TACC2: variants seen among roughly 807,000 people sequenced by gnomAD.
TACC2 encodes the protein transforming acidic coiled-coil-containing protein 2.
TACC2 carries 137 observed loss-of-function variants against 227.3 expected under a neutral mutation model. The observed-to-expected ratio is 0.60, with a 90% CI of 0.52 to 0.69. The LOEUF is 0.69. TACC2 is among the 30% of genes least tolerant of loss of function. The probability of loss-of-function intolerance (pLI) is 0.00; values close to 1 mark genes in which losing one functional copy is unlikely to be tolerated. For synonymous variants in TACC2, 1,523 were observed against 1,487.5 expected (o/e 1.02, Z -0.55); for missense variants, 3,470 against 3,694.4 (o/e 0.94, Z 1.57).
intron 1 of TACC2, among the ~76,000 whole-genome samples, chr10:122,009,283 A>G (rs965129150): frequency 2.6e-5 from 4 of 152,152 alleles, no homozygotes; most frequent in Non-Finnish European, 5.9e-5. Flanking sequence ...AAGTATTGGG[A>G]GACAGGTAAC....
chr10:122,235,113 G>A (rs950724466), intron 16 of TACC2, among the ~76,000 whole-genome samples: 70 of 152,114 alleles, frequency 4.6e-4, no homozygotes, highest in African/African-American at 1.7e-3. Context: ...TTAAGACAGA[G>A]TCTCACTCTG....
At chr10:122,096,510 A>C (rs548972071) in intron 5 of TACC2, among the ~76,000 whole-genome samples, 1 of 152,152 alleles carries the variant, frequency 6.6e-6, no homozygotes, top group African/African-American at 2.4e-5. Flanking sequence ...CAGCCTGACC[A>C]ACATGGTAAA....
At chr10:122,125,593 T>C (rs2086684914) in intron 5 of TACC2, among the ~76,000 whole-genome samples, 1 of 152,132 alleles carries the variant, frequency 6.6e-6, no homozygotes, top group African/African-American at 2.4e-5. Flanking sequence ...GGTGTCTGCT[T>C]TGGGCAGGGA....
chr10:122,238,441 T>C (rs1555489), intron 18 of TACC2, among the ~76,000 whole-genome samples: 65,294 of 151,990 alleles, frequency 0.43, 14,430 homozygotes, highest in East Asian at 0.74. Flanking sequence ...CTACACTCTT[T>C]TTAATTAATT....
chr10:122,222,368 C>T (rs982447807), intron 11 of TACC2, among the ~76,000 whole-genome samples: 6 of 152,162 alleles, frequency 3.9e-5, no homozygotes, highest in African/African-American at 1.4e-4. Flanking sequence ...AATTATAAAT[C>T]AGGATCCCAA....
At position 122,211,611 on chromosome 10, in the gene TACC2, G is replaced by T. The variant is rs1311174434; in HGVS notation, c.7186G>T (p.Ala2396Ser). ...KTPSSPSKSP[A>S]SFEIPASAME... ...CCCCAGCTCACCTTCTAAATCCCCA[G>T]CCTCCTTTGAGATCCCAGCCAGTGC... The change falls in exon 9 of 23, where the codon GCC (alanine) becomes TCC (serine). Residue 2396 changes from alanine to serine, a missense_variant. By Grantham distance (99) the Ala-to-Ser change is moderately conservative. Transcript: ENST00000369005. 6.2e-7 allele frequency: 1 copy of T among 1,613,728 alleles called. No homozygotes were observed. The highest frequency in any genetic ancestry group is 1.7e-5 in the Admixed American group (1 of 59,956).
At chr10:122,112,767 G>C (rs937394791) in intron 5 of TACC2, among the ~76,000 whole-genome samples, 2 of 152,248 alleles carry the variant, frequency 1.3e-5, no homozygotes, top group African/African-American at 4.8e-5. Flanking sequence ...ACTCCTGGAA[G>C]TCTGCAGCGC....
At chr10:122,001,388 A>G (rs1590894891) in intron 1 of TACC2, among the ~76,000 whole-genome samples, 1 of 151,670 alleles carries the variant, frequency 6.6e-6, no homozygotes. Context: ...TTATAAAACC[A>G]TCAGATCTCT....
intron 7 of TACC2, among the ~76,000 whole-genome samples, chr10:122,173,395 C>G (rs1005950137): frequency 1.1e-4 from 16 of 152,186 alleles, no homozygotes; most frequent in African/African-American, 3.9e-4. Flanking sequence ...GAGCGGGGCT[C>G]CACGCCCTGG....
In TACC2 at chr10:122,107,300, C is replaced by T. The variant is rs549046918; in HGVS notation, c.5573+18709C>T. Among the ~76,000 whole-genome samples the T allele has an allele frequency of 5.7e-4, 87 of 152,050 alleles. 1 individual carries two copies. The Middle Eastern group carries it at 0.017, about 30-fold the overall frequency. Reference sequence around the variant, plus strand: ...TTCTAATCCCAGCACTTTGGGAGGCCGAGGCGCGTGGATCACTTGAGGTCA... The same window carrying T: ...TTCTAATCCCAGCACTTTGGGAGGCTGAGGCGCGTGGATCACTTGAGGTCA... On this transcript the variant is annotated intron_variant, in intron 5 of 22. Transcript: ENST00000369005.
At chr10:122,236,495 G>A (rs2095858963) in intron 16 of TACC2, among the ~76,000 whole-genome samples, 2 of 152,238 alleles carry the variant, frequency 1.3e-5, no homozygotes, top group African/African-American at 2.4e-5. Context: ...CTGACAACCC[G>A]GCTGTGCTGG....
intron 5 of TACC2, among the ~76,000 whole-genome samples, chr10:122,119,461 G>T (rs1190772710): frequency 6.6e-6 from 1 of 152,216 alleles, no homozygotes; most frequent in Non-Finnish European, 1.5e-5. Flanking sequence ...TGGATTTGGT[G>T]CACTGGCTTT....
In TACC2 at chr10:122,210,830, A is replaced by G; in HGVS notation, c.6405A>G (p.Leu2135=). Residue 2135 remains leucine, a synonymous_variant, in exon 9 of 23, where the codon TTA becomes TTG. Coordinates refer to ENST00000369005, the MANE Select transcript of TACC2 (RefSeq NM_206862.4). The surrounding 1 kb of genome is among the most constrained non-coding windows in gnomAD (Gnocchi z 4.6). ...KRTKKPRPPS[L]KKKQTTKKPT... ...CTAAAAAACCGAGGCCGCCTTCCTT[A>G]AAAAAGAAACAGACCACCAAGAAAC... is the stretch of plus-strand genomic sequence containing the variant. 1 of 1,611,852 alleles carries G rather than the reference A, an allele frequency of 6.2e-7. No individual in the cohort carries two copies. The highest frequency in any genetic ancestry group is 8.5e-7 in the Non-Finnish European group (1 of 1,179,522).
Position 122,226,427 on chromosome 10 carries a change from G to A in TACC2, c.7670G>A (p.Ser2557Asn). Residue 2557 changes from serine (S) to asparagine (N), a missense_variant, in exon 13 of 23, where the codon AGC becomes AAC. Physicochemically the swap from Ser to Asn is conservative, Grantham distance 46. Transcript: ENST00000369005. ...CTTATGTTTGACACTTCTCAGGAGA[G>A]CCCTGTCAAGTCATCTCCCGTCCGC... The part of the protein sequence containing the change: ...LYLMFDTSQE[S>N]PVKSSPVRMS... The A allele has an allele frequency of 6.2e-7, 1 of 1,614,068 alleles. No homozygotes were observed. Among genetic ancestry groups the A allele is most frequent in the East Asian group, 2.2e-5 (1 of 44,852 alleles).
chr10:122,230,324 C>G (rs754456922), intron 15 of TACC2, 27 bp from the exon 16 acceptor site: 1 of 1,586,062 alleles, frequency 6.3e-7, no homozygotes, highest in East Asian at 2.2e-5. Flanking sequence ...CATTTCCCTG[C>G]GGTTTGCCCA....
chr10:122,167,453 G>T (rs1253495509), intron 7 of TACC2, among the ~76,000 whole-genome samples: 1 of 152,248 alleles, frequency 6.6e-6, no homozygotes, highest in Non-Finnish European at 1.5e-5. Context: ...AACTGGATTG[G>T]GAGCTAGTTC....
chr10:122,248,900 G>A, intron 20 of TACC2, 97 bp downstream of exon 20: 1 of 1,559,938 alleles, frequency 6.4e-7, no homozygotes, highest in East Asian at 2.3e-5. Flanking sequence ...TTGGTCTTGA[G>A]CCACCTGCGA....
intron 6 of TACC2, among the ~76,000 whole-genome samples, chr10:122,135,845 C>T (rs576334642): frequency 5.9e-4 from 90 of 152,338 alleles, no homozygotes; most frequent in African/African-American, 2.1e-3. Flanking sequence ...GCACTGCAAA[C>T]AAGTGTCCTT....
intron 2 of TACC2, among the ~76,000 whole-genome samples, chr10:122,042,309 C>G (rs185724101): frequency 1.5e-4 from 23 of 152,276 alleles, no homozygotes; most frequent in African/African-American, 5.1e-4. Flanking sequence ...GTGGCACAGT[C>G]TCAGCTCACT....
Sources: allele counts gnomAD v4.1 joint callset (sites outside exome capture counted in the v4.1 genomes callset), GRCh38; gene constraint gnomAD v4.1.1; non-coding constraint Gnocchi (gnomAD v3.1); transcripts MANE v1.5; gene names NCBI Gene and HGNC (gene_info 2026-07-23, HGNC 2026-07-21).